The following UGGT2 variants were observed in gnomAD, a reference collection of about 807,000 sequenced individuals.
UGGT2 encodes the protein UDP-glucose:glycoprotein glucosyltransferase 2.
In UGGT2, 180 loss-of-function variants were observed where a neutral mutation model predicts 192.1. That is an observed-to-expected ratio of 0.94 (90% CI 0.83 to 1.06). The LOEUF is 1.06. Among genes scored for constraint, UGGT2 ranks in the 50% least tolerant of loss-of-function variants. The pLI, the probability that UGGT2 is intolerant of heterozygous loss-of-function variation, is 0.00. For synonymous variants in UGGT2, 580 were observed against 591.0 expected (o/e 0.98, Z 0.27); for missense variants, 1,849 against 1,795.7 (o/e 1.03, Z -0.54).
chr13:95,823,841 T>C (rs1080083), intron 38 of UGGT2, among the ~76,000 whole-genome samples: 1 of 152,088 alleles, frequency 6.6e-6, no homozygotes. Flanking sequence ...GTGTTAGTTT[T>C]ACAGGCTCTG....
At chr13:95,837,676 G>C (rs1269334340) in intron 36 of UGGT2, among the ~76,000 whole-genome samples, 1 of 152,160 alleles carries the variant, frequency 6.6e-6, no homozygotes, top group Non-Finnish European at 1.5e-5. Context: ...GCTGGCATCT[G>C]GGTTAATGGA....
At chr13:95,921,334 A>G (rs2048838374) in intron 20 of UGGT2, among the ~76,000 whole-genome samples, 2 of 136,938 alleles carry the variant, frequency 1.5e-5, no homozygotes, top group Admixed American at 1.6e-4. Flanking sequence ...TATCCTACAC[A>G]TAACTCTTAA....
intron 5 of UGGT2, among the ~76,000 whole-genome samples, chr13:96,010,244 CATCAATAGTAAA>C (rs1281323908): frequency 6.6e-6 from 1 of 152,134 alleles, no homozygotes; most frequent in African/African-American, 2.4e-5. Context: ...CCTGAATGCC[CATCAATAGTAAA>C]ATGGATAAAG....
intron 26 of UGGT2, chr13:95,887,461 C>T: frequency 6.1e-6 from 2 of 327,404 alleles, no homozygotes; most frequent in South Asian, 2.7e-5. Flanking sequence ...TTATAAACAA[C>T]ACTTTTTTAT....
At chr13:95,985,093 GTTA>G in intron 9 of UGGT2, 1 of 289,108 alleles carries the variant, frequency 3.5e-6, no homozygotes, top group Non-Finnish European at 6.3e-6. Flanking sequence ...CCTCTGAACA[GTTA>G]TACTGACTTA....
At chr13:96,038,487 A>C (rs913014781) in intron 1 of UGGT2, among the ~76,000 whole-genome samples, 1 of 152,190 alleles carries the variant, frequency 6.6e-6, no homozygotes, top group Non-Finnish European at 1.5e-5. Flanking sequence ...ATATATTACT[A>C]TCCTAGGGCT....
chr13:96,021,649 C>T (rs2052519289), intron 4 of UGGT2, among the ~76,000 whole-genome samples: 1 of 151,974 alleles, frequency 6.6e-6, no homozygotes, highest in Non-Finnish European at 1.5e-5. Context: ...AATCCCACAC[C>T]ATTAATAATC....
Position 95,969,392 on chromosome 13 carries a change from C to T in UGGT2, c.1335+720G>A, listed in dbSNP as rs778755544. ...TCTTGCAAGTCCTTCTAGCAAATCA[C>T]TGGATTAGAGGTTGGTCTCTGGGGA... On this transcript the variant is annotated intron_variant, in intron 12 of 38. Coordinates refer to ENST00000376747, the MANE Select transcript of UGGT2 (RefSeq NM_020121.4). Among the ~76,000 whole-genome samples, 25 of 152,264 alleles carry T rather than the reference C, an allele frequency of 1.6e-4. No homozygotes were observed. The East Asian group carries it at 4.8e-3, about 29-fold the overall frequency.
intron 20 of UGGT2, among the ~76,000 whole-genome samples, chr13:95,912,749 T>C (rs1594308365): frequency 6.6e-6 from 1 of 152,116 alleles, no homozygotes; most frequent in African/African-American, 2.4e-5. Flanking sequence ...TTAAAGTTCA[T>C]ATGGAACCAA....
intron 36 of UGGT2, among the ~76,000 whole-genome samples, chr13:95,839,506 T>C (rs1307428659): frequency 3.3e-5 from 5 of 152,336 alleles, no homozygotes; most frequent in Middle Eastern, 6.8e-3. Flanking sequence ...TTCCACTATA[T>C]GAATTTACAA....
chr13:96,000,099 C>T (rs1291905456), intron 5 of UGGT2, among the ~76,000 whole-genome samples: 1 of 152,126 alleles, frequency 6.6e-6, no homozygotes, highest in Non-Finnish European at 1.5e-5. Context: ...TTCTTGTTGG[C>T]TGTACTGCAA....
intron 34 of UGGT2, among the ~76,000 whole-genome samples, chr13:95,855,754 G>C (rs1889547291): frequency 6.6e-6 from 1 of 152,186 alleles, no homozygotes; most frequent in African/African-American, 2.4e-5. Context: ...AAAGAATGCT[G>C]TTGAAGGTGG....
chr13:95,982,495 G>C (rs2051157964), intron 10 of UGGT2, among the ~76,000 whole-genome samples: 1 of 152,152 alleles, frequency 6.6e-6, no homozygotes, highest in African/African-American at 2.4e-5. Context: ...GGAGTGGTCA[G>C]CCTTCCCCAT....
intron 16 of UGGT2, among the ~76,000 whole-genome samples, chr13:95,938,677 A>G (rs1278196469): frequency 4.6e-5 from 7 of 152,176 alleles, no homozygotes; most frequent in Non-Finnish European, 1.0e-4. Context: ...TAACAAGGAT[A>G]AACTCCTCCA....
Position 95,924,393 on chromosome 13 carries a change from CTTTTTTTTTTTTTTTTT to C in UGGT2, c.2295+1270_2295+1286del, listed in dbSNP as rs59757283. On this transcript the variant is annotated intron_variant, in intron 20 of 38. Coordinates refer to ENST00000376747, the MANE Select transcript of UGGT2 (RefSeq NM_020121.4). ...AATAGATGTAATAGATCCCAAACAG[CTTTTTTTTTTTTTTTTT>C]TTTTTTTTTTTTTTGAAATTTTCCG... 7.1e-3 allele frequency among the ~76,000 whole-genome samples: 447 copies of C among 63,388 alleles called. 13 individuals carry two copies. Among genetic ancestry groups the C allele is most frequent in the African/African-American group, 0.02 (423 of 20,706 alleles). The allele number at this position is 63,388 out of a possible 152,430, so 41.6% of individuals were successfully genotyped here. A position where few individuals can be genotyped will look rare whatever the true frequency, so the allele number is the denominator to read the frequency against.
At chr13:95,856,447 A>G (rs1889627162) in intron 33 of UGGT2, 107 bp from the exon 34 acceptor site, 1 of 1,130,686 alleles carries the variant, frequency 8.8e-7, no homozygotes, top group Non-Finnish European at 1.2e-6. Context: ...ATTGTTATAA[A>G]CTAATAGGCA....
chr13:95,806,137 T>C (rs1023329377), intron 38 of UGGT2, among the ~76,000 whole-genome samples: 2 of 131,220 alleles, frequency 1.5e-5, no homozygotes, highest in Non-Finnish European at 3.2e-5. Flanking sequence ...TGGGATGCAA[T>C]AAAAAAAAGT....
intron 15 of UGGT2, among the ~76,000 whole-genome samples, chr13:95,944,826 A>AG: frequency 6.6e-6 from 1 of 152,058 alleles, no homozygotes; most frequent in East Asian, 1.9e-4. Flanking sequence ...AATTAATCTT[A>AG]AGTGTATTGT....
At position 95,817,596 on chromosome 13, in the gene UGGT2, T is replaced by C. The variant is rs113605146; in HGVS notation, c.4528+15331A>G. On this transcript the variant is annotated intron_variant, in intron 38 of 38. Transcript: ENST00000376747. ...AGCCTGTCTCTAAAACACAAAAACA[T>C]TGGAAGGAAAAAAACCACAATGTAA... is the stretch of plus-strand genomic sequence containing the variant. Among the ~76,000 whole-genome samples, 117 of 151,738 alleles carry C rather than the reference T, an allele frequency of 7.7e-4. 3 individuals are homozygous for C. The Middle Eastern group carries it at 0.01, about 13-fold the overall frequency.
Sources: gnomAD v4.1 joint callset for allele counts (sites outside exome capture counted in the v4.1 genomes callset) on GRCh38, gnomAD v4.1.1 for gene constraint, MANE v1.5 for transcripts, NCBI Gene and HGNC (gene_info 2026-07-23, HGNC 2026-07-21) for gene names.